The following RANBP2 variants were observed in gnomAD, a reference collection of about 807,000 sequenced individuals.
The protein encoded by RANBP2 is E3 SUMO-protein ligase RanBP2.
Under a neutral mutation model 303.6 loss-of-function variants are expected in RANBP2, and 57 were observed. That is an observed-to-expected ratio of 0.19 (90% CI 0.15 to 0.23). The LOEUF (loss-of-function observed/expected upper bound fraction) is 0.23. Among genes scored for constraint, RANBP2 ranks in the 10% least tolerant of loss-of-function variants. The probability of loss-of-function intolerance (pLI) is 1.00; values close to 1 mark genes in which losing one functional copy is unlikely to be tolerated. For synonymous variants in RANBP2, 1,167 were observed against 1,301.5 expected (o/e 0.90, Z 2.23); for missense variants, 3,138 against 3,780.8 (o/e 0.83, Z 4.46).
chr2:108,808,912 A>G, the RANBP2 span, among the ~76,000 whole-genome samples: 3 of 151,910 alleles, frequency 2.0e-5, no homozygotes, highest in African/African-American at 4.8e-5. Flanking sequence ...GTCGTGAACT[A>G]TTTCCCATTT....
At chr2:109,535,458 C>G in the RANBP2 span, among the ~76,000 whole-genome samples, 1 of 152,142 alleles carries the variant, frequency 6.6e-6, no homozygotes, top group Non-Finnish European at 1.5e-5. Context: ...AGGGCTGTAG[C>G]TTGGTGTCCT....
the RANBP2 span, among the ~76,000 whole-genome samples, chr2:109,325,331 C>CTTTTTTTTTTT: frequency 2.4e-4 from 16 of 66,240 alleles, no homozygotes; most frequent in South Asian, 7.2e-4. Flanking sequence ...TTCTTTCTTT[C>CTTTTTTTTTTT]TTTTTTTTTT....
At chr2:109,710,152 C>G in the RANBP2 span, among the ~76,000 whole-genome samples, 14 of 150,618 alleles carry the variant, frequency 9.3e-5, no homozygotes, top group Non-Finnish European at 2.1e-4. Context: ...GAGGCCGAGA[C>G]GGGTGGATCA....
chr2:109,294,515 C>G, the RANBP2 span, among the ~76,000 whole-genome samples: 527 of 148,616 alleles, frequency 3.5e-3, 1 homozygote, highest in African/African-American at 0.012. Context: ...GAGCCAAGAT[C>G]ACACCACTAC....
the RANBP2 span, among the ~76,000 whole-genome samples, chr2:109,693,541 T>G: frequency 7.5e-3 from 1,136 of 152,270 alleles, 105 homozygotes; most frequent in East Asian, 0.19. Context: ...TCTCACAACA[T>G]CTGATGATTT....
chr2:109,000,690 T>C, the RANBP2 span, among the ~76,000 whole-genome samples: 3 of 152,078 alleles, frequency 2.0e-5, no homozygotes, highest in African/African-American at 7.2e-5. Flanking sequence ...TAACAACATA[T>C]AATAAGAAAT....
At chr2:109,347,386 C>T in the RANBP2 span, among the ~76,000 whole-genome samples, 1 of 152,112 alleles carries the variant, frequency 6.6e-6, no homozygotes, top group Non-Finnish European at 1.5e-5. Context: ...GCACCTACTT[C>T]AGAGTCCTTT....
At chr2:109,211,816 T>C in the RANBP2 span, among the ~76,000 whole-genome samples, 11 of 152,220 alleles carry the variant, frequency 7.2e-5, no homozygotes, top group Middle Eastern at 3.4e-3. Flanking sequence ...CTATTTTTTG[T>C]ATTTTTAGGA....
At chr2:109,535,878 CTT>C in the RANBP2 span, among the ~76,000 whole-genome samples, 8 of 152,166 alleles carry the variant, frequency 5.3e-5, no homozygotes, top group African/African-American at 1.9e-4. Flanking sequence ...AGAAGAGAGT[CTT>C]TGCACTGGGA....
At chr2:108,981,747 C>G in the RANBP2 span, among the ~76,000 whole-genome samples, 1 of 152,156 alleles carries the variant, frequency 6.6e-6, no homozygotes, top group African/African-American at 2.4e-5. Context: ...CCCATGGAAA[C>G]GACAGCAAGG....
chr2:109,645,245 T>C, the RANBP2 span, among the ~76,000 whole-genome samples: 1 of 152,306 alleles, frequency 6.6e-6, no homozygotes, highest in Non-Finnish European at 1.5e-5. Context: ...TAAATGTAAA[T>C]TAGCTTACAG....
At chr2:108,883,208 G>A in the RANBP2 span, 4 of 152,320 alleles carry the variant, frequency 2.6e-5, no homozygotes, top group South Asian at 2.1e-4. Context: ...GAGGTCTGCA[G>A]TTATTTATAC....
At chr2:108,805,170 C>A in the RANBP2 span, among the ~76,000 whole-genome samples, 4 of 151,990 alleles carry the variant, frequency 2.6e-5, no homozygotes, top group Admixed American at 6.6e-5. Flanking sequence ...ATAAAGTATT[C>A]TTTAGCTCTT....
chr2:109,111,732 T>C, the RANBP2 span, among the ~76,000 whole-genome samples: 3 of 151,094 alleles, frequency 2.0e-5, no homozygotes, highest in South Asian at 2.1e-4. Context: ...GCTGCACCCA[T>C]TAACTCGTCA....
At chr2:109,569,388 G>A in the RANBP2 span, among the ~76,000 whole-genome samples, 3 of 149,114 alleles carry the variant, frequency 2.0e-5, no homozygotes, top group Non-Finnish European at 4.4e-5. Flanking sequence ...CCGAGATCGC[G>A]TCATTGCATT....
At chr2:109,194,031 C>G in the RANBP2 span, among the ~76,000 whole-genome samples, 9 of 152,196 alleles carry the variant, frequency 5.9e-5, no homozygotes, top group Non-Finnish European at 7.3e-5. Flanking sequence ...TTAGAACAGT[C>G]TGTTCTGCCT....
chr2:109,678,966 G>A, the RANBP2 span, among the ~76,000 whole-genome samples: 2 of 152,220 alleles, frequency 1.3e-5, no homozygotes, highest in African/African-American at 2.4e-5. Context: ...CTCTCAGTCT[G>A]GCTGGGAAGC....
At chr2:109,130,670 G>A in the RANBP2 span, among the ~76,000 whole-genome samples, 1 of 152,190 alleles carries the variant, frequency 6.6e-6, no homozygotes, top group African/African-American at 2.4e-5. Flanking sequence ...GGAGCCTTTT[G>A]ACCCAGCCCT....
At chr2:108,966,558 C>A in the RANBP2 span, among the ~76,000 whole-genome samples, 1 of 152,242 alleles carries the variant, frequency 6.6e-6, no homozygotes, top group Non-Finnish European at 1.5e-5. Flanking sequence ...AGGAAGAGGT[C>A]ATCTTCTGTC....
Sources: allele counts gnomAD v4.1 joint callset (sites outside exome capture counted in the v4.1 genomes callset), GRCh38; gene constraint gnomAD v4.1.1; transcripts MANE v1.5; gene names NCBI Gene and HGNC (gene_info 2026-07-23, HGNC 2026-07-21).